Variants in ZNG1E observed in about 807,000 individuals in gnomAD.
ZNG1E encodes the protein zinc-regulated GTPase metalloprotein activator 1E.
chr9:65,687,438 T>C, the ZNG1E span, among the ~76,000 whole-genome samples: 1 of 152,132 alleles, frequency 6.6e-6, no homozygotes, highest in Admixed American at 6.6e-5. Flanking sequence ...ATTTGTCTTT[T>C]GTTTTTATAT....
chr9:65,713,073 CTCT>C, the ZNG1E span, among the ~76,000 whole-genome samples: 1 of 119,584 alleles, frequency 8.4e-6, no homozygotes, highest in African/African-American at 3.2e-5. Context: ...GGATAGTTAG[CTCT>C]TCTTGTTGAA....
the ZNG1E span, among the ~76,000 whole-genome samples, chr9:65,675,108 G>T: frequency 2.6e-5 from 4 of 151,648 alleles, no homozygotes; most frequent in African/African-American, 9.7e-5. Flanking sequence ...GGAATGATCA[G>T]CAATCCAGAA....
chr9:65,664,966 C>A, the ZNG1E span, among the ~76,000 whole-genome samples: 1 of 152,240 alleles, frequency 6.6e-6, no homozygotes, highest in Non-Finnish European at 1.5e-5. Context: ...GGGTACCTGG[C>A]AGAAGAAATT....
At chr9:65,688,048 T>C in the ZNG1E span, among the ~76,000 whole-genome samples, 1 of 151,686 alleles carries the variant, frequency 6.6e-6, no homozygotes, top group African/African-American at 2.4e-5. Flanking sequence ...GTATGTATTC[T>C]AATTGCTTTG....
the ZNG1E span, among the ~76,000 whole-genome samples, chr9:65,684,020 A>T: frequency 2.0e-5 from 3 of 152,274 alleles, no homozygotes; most frequent in Non-Finnish European, 4.4e-5. Context: ...AGTTTAATTA[A>T]ACACGATTCA....
At chr9:65,702,026 TTACCCTCCCTTTA>T in the ZNG1E span, among the ~76,000 whole-genome samples, 1 of 148,466 alleles carries the variant, frequency 6.7e-6, no homozygotes, top group South Asian at 2.2e-4. Flanking sequence ...CTTTTGGCTT[TTACCCTCCCTTTA>T]TATCAGACTT....
the ZNG1E span, chr9:65,719,830 A>T: frequency 1.5e-6 from 1 of 656,462 alleles, no homozygotes; most frequent in Non-Finnish European, 2.5e-6. Flanking sequence ...ATATGTATAT[A>T]TATGAATGTG....
chr9:65,728,190 C>G, the ZNG1E span, among the ~76,000 whole-genome samples: 1 of 152,290 alleles, frequency 6.6e-6, no homozygotes, highest in Admixed American at 6.5e-5. Context: ...AAAAATTCCT[C>G]AAACTGAATG....
At chr9:65,710,531 A>T in the ZNG1E span, among the ~76,000 whole-genome samples, 36 of 151,992 alleles carry the variant, frequency 2.4e-4, no homozygotes, top group Non-Finnish European at 3.4e-4. Context: ...TGATTTTTGT[A>T]TAAGGTGTAA....
chr9:65,714,798 C>T, the ZNG1E span, among the ~76,000 whole-genome samples: 1 of 151,796 alleles, frequency 6.6e-6, no homozygotes, highest in East Asian at 1.9e-4. Flanking sequence ...CTGCTCTCTT[C>T]AAAGCTGTCA....
At chr9:65,715,123 G>T in the ZNG1E span, among the ~76,000 whole-genome samples, 1 of 149,448 alleles carries the variant, frequency 6.7e-6, no homozygotes, top group Non-Finnish European at 1.5e-5. Flanking sequence ...CAAGCCCGTC[G>T]GAAAAGCGCA....
chr9:65,673,977 G>T, the ZNG1E span, among the ~76,000 whole-genome samples: 1 of 152,276 alleles, frequency 6.6e-6, no homozygotes, highest in Non-Finnish European at 1.5e-5. Context: ...ATGACTGTGG[G>T]TGCAATGTTA....
chr9:65,674,974 T>C, the ZNG1E span, among the ~76,000 whole-genome samples: 3 of 145,564 alleles, frequency 2.1e-5, no homozygotes, highest in Non-Finnish European at 3.0e-5. Context: ...CTGAAAAATA[T>C]AGCAAGCCTC....
the ZNG1E span, among the ~76,000 whole-genome samples, chr9:65,691,326 G>A: frequency 6.4e-4 from 96 of 149,666 alleles, no homozygotes; most frequent in African/African-American, 1.8e-3. Flanking sequence ...CAGGTGATCC[G>A]CCAGCCTCGG....
the ZNG1E span, chr9:65,705,020 C>G: frequency 1.4e-5 from 2 of 147,774 alleles, no homozygotes; most frequent in South Asian, 4.3e-4. Context: ...ATTTTTTTAC[C>G]ATTTTGTAGC....
At chr9:65,677,489 C>T in the ZNG1E span, among the ~76,000 whole-genome samples, 1 of 152,280 alleles carries the variant, frequency 6.6e-6, no homozygotes, top group African/African-American at 2.4e-5. Context: ...TGATGTCCTA[C>T]AACTTAAAAC....
At chr9:65,667,819 A>G in the ZNG1E span, among the ~76,000 whole-genome samples, 1 of 147,786 alleles carries the variant, frequency 6.8e-6, no homozygotes, top group African/African-American at 2.5e-5. Context: ...AATGTGGTGA[A>G]ACCCCATCTG....
chr9:65,658,600 G>T, the ZNG1E span, among the ~76,000 whole-genome samples: 1 of 151,206 alleles, frequency 6.6e-6, no homozygotes, highest in African/African-American at 2.4e-5. Context: ...AAAAAAGAAT[G>T]GAGTTAGACC....
chr9:65,673,819 G>A, the ZNG1E span, among the ~76,000 whole-genome samples: 16 of 152,408 alleles, frequency 1.0e-4, no homozygotes, highest in African/African-American at 3.6e-4. Context: ...AACAGAAAGA[G>A]GGATTTTAGT....
Sources: allele counts gnomAD v4.1 joint callset (sites outside exome capture counted in the v4.1 genomes callset), GRCh38; gene constraint gnomAD v4.1.1; transcripts MANE v1.5; gene names NCBI Gene and HGNC (gene_info 2026-07-23, HGNC 2026-07-21).